NSL1: variants seen among roughly 807,000 people sequenced by gnomAD.
NSL1 encodes the protein NSL1 component of MIS12 kinetochore complex.
In NSL1, 11 loss-of-function variants were observed where a neutral mutation model predicts 25.4. That is an observed-to-expected ratio of 0.43 (90% CI 0.27 to 0.72). NSL1 has a LOEUF of 0.72. Ranked by LOEUF, NSL1 falls within the 30% of genes least tolerant of loss-of-function variation. NSL1 has a pLI of 0.19. For missense variants in NSL1, 330 were observed against 342.7 expected (o/e 0.96, Z 0.29); for synonymous variants, 118 against 120.6 (o/e 0.98, Z 0.14).
Position 212,727,586 on chromosome 1 carries a change from CA to C in NSL1, c.*10821del. On this transcript the variant is annotated 3_prime_UTR_variant, in exon 6 of 6. Coordinates refer to ENST00000366977, the MANE Select transcript of NSL1 (RefSeq NM_015471.4). ...TACTTCTCTCAAAAACTTTATGACT[CA>C]GTTGTCTGGAAGTTGTTTTGTAACC... The C allele has an allele frequency of 1.0e-6, 1 of 985,378 alleles. No homozygotes were observed. The highest frequency in any genetic ancestry group is 1.2e-6 in the Non-Finnish European group (1 of 829,900). The allele number at this position is 985,378 out of a possible 1,614,324, so 61.0% of individuals were successfully genotyped here.
Position 212,731,316 on chromosome 1 carries a change from G to A in NSL1, c.*7092C>T. 1.0e-6 allele frequency: 1 copy of A among 983,472 alleles called. No individual in the cohort carries two copies. Among genetic ancestry groups the A allele is most frequent in the Non-Finnish European group, 1.2e-6 (1 of 828,268 alleles). The allele number at this position is 983,472 out of a possible 1,614,324, so 60.9% of individuals were successfully genotyped here. A position where few individuals can be genotyped will look rare whatever the true frequency, so the allele number is the denominator to read the frequency against. On this transcript the variant is annotated 3_prime_UTR_variant, in exon 6 of 6. Coordinates refer to ENST00000366977, the MANE Select transcript of NSL1 (RefSeq NM_015471.4). Reference sequence around the variant, plus strand: ...CATTCCTGTAATCCCAGCACTTTGGGAAGCTGAGGCAGGAGGATGGCTTGA... The same window carrying A: ...CATTCCTGTAATCCCAGCACTTTGGAAAGCTGAGGCAGGAGGATGGCTTGA...
Position 212,738,648 on chromosome 1 carries a change from G to T in NSL1, c.606C>A (p.Ser202=). 6.2e-7 allele frequency: 1 copy of T among 1,613,966 alleles called. No homozygotes were observed. The highest frequency in any genetic ancestry group is 1.1e-5 in the South Asian group (1 of 91,062). Reference sequence around the variant, plus strand: ...TAACAGGCTGCATCCTGAGAACTTGGGAAAATCCCTCTCCTTGTTCAATTA... The same window carrying T: ...TAACAGGCTGCATCCTGAGAACTTGTGAAAATCCCTCTCCTTGTTCAATTA... ...PALIEQGEGF[S]QVLRMQPVIH... The change falls in exon 6 of 6, where the codon TCC becomes TCA. Residue 202 remains serine, a synonymous_variant. Coordinates refer to ENST00000366977, the MANE Select transcript of NSL1 (RefSeq NM_015471.4).
intron 4 of NSL1, among the ~76,000 whole-genome samples, chr1:212,749,062 T>C (rs894922763): frequency 1.3e-5 from 2 of 152,214 alleles, no homozygotes; most frequent in Non-Finnish European, 2.9e-5. Flanking sequence ...TTTCCAACTA[T>C]GCAGATATTC....
chr1:212,766,135 C>CA (rs773995954), intron 4 of NSL1: 68,783 of 265,190 alleles, frequency 0.26, 1,201 homozygotes, highest in East Asian at 0.29. Context: ...GACTCCATCT[C>CA]AAAAAAAAAA....
At position 212,730,589 on chromosome 1, in the gene NSL1, A is replaced by C; in HGVS notation, c.*7819T>G. On this transcript the variant is annotated 3_prime_UTR_variant, in exon 6 of 6. Coordinates refer to ENST00000366977, the MANE Select transcript of NSL1 (RefSeq NM_015471.4). Reference sequence around the variant, plus strand: ...AGAAGTTGAATTTTCTTCTCTAGCTATCCCAGGCCACCCAGAAGTCAGGGG... The same window carrying C: ...AGAAGTTGAATTTTCTTCTCTAGCTCTCCCAGGCCACCCAGAAGTCAGGGG... 2 of 985,402 alleles carry C rather than the reference A, an allele frequency of 2.0e-6. No homozygotes were observed. Among genetic ancestry groups the C allele is most frequent in the Non-Finnish European group, 2.4e-6 (2 of 829,928 alleles). The allele number at this position is 985,402 out of a possible 1,614,324, so 61.0% of individuals were successfully genotyped here.
chr1:212,750,241 C>T (rs533481404), intron 4 of NSL1, among the ~76,000 whole-genome samples: 14 of 151,826 alleles, frequency 9.2e-5, no homozygotes, highest in African/African-American at 3.4e-4. Flanking sequence ...ACAAGGGAAC[C>T]GAAGGGAGAG....
chr1:212,749,969 T>TC lies in NSL1; in HGVS notation c.500-10369dup, dbSNP rs144277056. ...TGACTACAAAGTGCCAGCTACACTT[T>TC]CCCATTAATATGGCAACCAAAAACT... On this transcript the variant is annotated intron_variant, in intron 4 of 5. Coordinates refer to ENST00000366977, the MANE Select transcript of NSL1 (RefSeq NM_015471.4). Among the ~76,000 whole-genome samples the TC allele has an allele frequency of 9.3e-3, 1,395 of 149,898 alleles. 11 individuals are homozygous for TC. Among genetic ancestry groups the TC allele is most frequent in the Middle Eastern group, 0.041 (12 of 294 alleles).
At chr1:212,789,894 A>G (rs2102410010) in intron 1 of NSL1, among the ~76,000 whole-genome samples, 1 of 152,354 alleles carries the variant, frequency 6.6e-6, no homozygotes, top group Non-Finnish European at 1.5e-5. Flanking sequence ...AAAACTACTA[A>G]AAACGTCCTG....
rs1236905697 is a variant in NSL1 at position 212,734,228 on chromosome 1, G to C, written c.*4180C>G. Among the ~76,000 whole-genome samples the C allele has an allele frequency of 6.6e-6, 1 of 152,018 alleles. No individual in the cohort carries two copies. Among genetic ancestry groups the C allele is most frequent in the Non-Finnish European group, 1.5e-5 (1 of 67,982 alleles). On this transcript the variant is annotated 3_prime_UTR_variant, in exon 6 of 6. Coordinates refer to ENST00000366977, the MANE Select transcript of NSL1 (RefSeq NM_015471.4). ...AGGTCCTTTATTCTCTTTGGTTTTT[G>C]TTTTAATTCACTCAGTTAACCACTA...
rs1404514245 is a variant in NSL1 at position 212,728,590 on chromosome 1, TTA to T, written c.*9816_*9817del. The stretch of plus-strand genomic sequence containing the variant: ...AGGGATAGAAATGAGAAAAGGAGTT[TTA>T]TGTTAGGAAAAAAATGGTTTCTGAG... On this transcript the variant is annotated 3_prime_UTR_variant, in exon 6 of 6. Coordinates refer to ENST00000366977, the MANE Select transcript of NSL1 (RefSeq NM_015471.4). 1 of 985,332 alleles carries T rather than the reference TTA, an allele frequency of 1.0e-6. No homozygotes were observed. The highest frequency in any genetic ancestry group is 1.2e-6 in the Non-Finnish European group (1 of 829,930). 61.0% of individuals were successfully genotyped at this position (985,332 alleles called of 1,614,324 possible). A position where few individuals can be genotyped will look rare whatever the true frequency, so the allele number is the denominator to read the frequency against.
chr1:212,774,873 C>T (rs767340204), intron 4 of NSL1, among the ~76,000 whole-genome samples: 3 of 152,208 alleles, frequency 2.0e-5, no homozygotes, highest in Non-Finnish European at 2.9e-5. Flanking sequence ...GGAACTTGTA[C>T]ATGAATGTTC....
Position 212,735,325 on chromosome 1 carries a change from T to C in NSL1, c.*3083A>G. 2.0e-6 allele frequency: 2 copies of C among 985,366 alleles called. No individual in the cohort carries two copies. Among genetic ancestry groups the C allele is most frequent in the Non-Finnish European group, 2.4e-6 (2 of 829,884 alleles). The allele number at this position is 985,366 out of a possible 1,614,324, so 61.0% of individuals were successfully genotyped here. Reference sequence around the variant, plus strand: ...CTTTTGATCCGAGTAGGTGTCCAACTGTATGTGTTGAACAGATGAATAAAT... The same window carrying C: ...CTTTTGATCCGAGTAGGTGTCCAACCGTATGTGTTGAACAGATGAATAAAT... On this transcript the variant is annotated 3_prime_UTR_variant, in exon 6 of 6. Coordinates refer to ENST00000366977, the MANE Select transcript of NSL1 (RefSeq NM_015471.4).
At chr1:212,774,988 AG>A (rs1290731080) in intron 4 of NSL1, among the ~76,000 whole-genome samples, 7 of 152,304 alleles carry the variant, frequency 4.6e-5, no homozygotes, top group Admixed American at 4.6e-4. Context: ...TTTTTTAAAA[AG>A]TCTGTATACT....
chr1:212,727,928 T>A lies in NSL1; in HGVS notation c.*10480A>T, dbSNP rs1307040718. Reference sequence around the variant, plus strand: ...AAATGAGAAGAACCAACGAGGTCGCTGTGGTGTAGCGGTGAGAGCGTCTGA... The same window carrying A: ...AAATGAGAAGAACCAACGAGGTCGCAGTGGTGTAGCGGTGAGAGCGTCTGA... On this transcript the variant is annotated 3_prime_UTR_variant, in exon 6 of 6. Transcript: ENST00000366977. 1.3e-5 allele frequency: 13 copies of A among 985,318 alleles called. No homozygotes were observed. The highest frequency in any genetic ancestry group is 1.7e-5 in the African/African-American group (1 of 57,246). The allele number at this position is 985,318 out of a possible 1,614,324, so 61.0% of individuals were successfully genotyped here.
At chr1:212,753,281 T>A (rs1017459364) in intron 4 of NSL1, among the ~76,000 whole-genome samples, 1 of 152,246 alleles carries the variant, frequency 6.6e-6, no homozygotes, top group African/African-American at 2.4e-5. Flanking sequence ...AGCCAAGTTT[T>A]TGACATTGTC....
At chr1:212,777,527 T>C (rs538830928) in intron 4 of NSL1, among the ~76,000 whole-genome samples, 2 of 152,338 alleles carry the variant, frequency 1.3e-5, no homozygotes, top group African/African-American at 4.8e-5. Context: ...ACAACGTTGA[T>C]GGAGAAAAAA....
Position 212,729,688 on chromosome 1 carries a change from G to C in NSL1, c.*8720C>G, listed in dbSNP as rs1051054368. On this transcript the variant is annotated 3_prime_UTR_variant, in exon 6 of 6. Coordinates refer to ENST00000366977, the MANE Select transcript of NSL1 (RefSeq NM_015471.4). Reference sequence around the variant, plus strand: ...ACCTTTTCACCAAATTTTTGTCAGAGAAGGAAATGAAGCAAGATACCAAGG... The same window carrying C: ...ACCTTTTCACCAAATTTTTGTCAGACAAGGAAATGAAGCAAGATACCAAGG... The C allele has an allele frequency of 2.4e-5, 24 of 985,296 alleles. No individual in the cohort carries two copies. Among genetic ancestry groups the C allele is most frequent in the Admixed American group, 6.1e-5 (1 of 16,272 alleles). The allele number at this position is 985,296 out of a possible 1,614,324, so 61.0% of individuals were successfully genotyped here.
At chr1:212,750,570 C>G (rs1372540730) in intron 4 of NSL1, among the ~76,000 whole-genome samples, 8 of 152,052 alleles carry the variant, frequency 5.3e-5, no homozygotes, top group Non-Finnish European at 1.5e-5. Flanking sequence ...AAAAATGGAT[C>G]TGAGAGATAA....
chr1:212,772,277 A>G (rs1034067019), intron 4 of NSL1, among the ~76,000 whole-genome samples: 21 of 152,190 alleles, frequency 1.4e-4, no homozygotes, highest in African/African-American at 1.9e-4. Flanking sequence ...AAGAATTAAC[A>G]TTATAAAATA....
Sources: gnomAD v4.1 joint callset for allele counts (sites outside exome capture counted in the v4.1 genomes callset) on GRCh38, gnomAD v4.1.1 for gene constraint, MANE v1.5 for transcripts, NCBI Gene and HGNC (gene_info 2026-07-23, HGNC 2026-07-21) for gene names.